MZT1: variants seen among roughly 807,000 people sequenced by gnomAD.
MZT1 encodes the protein mitotic-spindle organizing protein 1.
A neutral mutation model predicts 8.5 loss-of-function variants in MZT1; 8 were observed. The ratio of observed to expected loss-of-function variants is 0.94; its 90% confidence interval spans 0.55 to 1.70. MZT1 has a LOEUF of 1.70. MZT1 is among the 40% of genes most tolerant of loss of function. The pLI is 0.00. For synonymous variants in MZT1, 38 were observed against 42.0 expected (o/e 0.90, Z 0.37); for missense variants, 93 against 108.6 (o/e 0.86, Z 0.64).
intron 1 of MZT1, among the ~76,000 whole-genome samples, chr13:72,724,699 TAA>T (rs1443630191): frequency 2.7e-5 from 1 of 37,482 alleles, no homozygotes; most frequent in Non-Finnish European, 8.0e-5. Context: ...TACTTACTAC[TAA>T]ATATATATAT....
intron 2 of MZT1, among the ~76,000 whole-genome samples, chr13:72,714,902 G>A (rs555460172): frequency 6.6e-6 from 1 of 152,352 alleles, no homozygotes; most frequent in African/African-American, 2.4e-5. Context: ...TACTAGAGTA[G>A]TGCAGAGGGG....
chr13:72,724,063 G>C (rs999288171), intron 1 of MZT1, among the ~76,000 whole-genome samples: 3 of 152,220 alleles, frequency 2.0e-5, no homozygotes, highest in Admixed American at 1.3e-4. Flanking sequence ...CCCTACACTA[G>C]AGGGAACTTG....
At chr13:72,711,810 G>A (rs2032491674) in intron 2 of MZT1, among the ~76,000 whole-genome samples, 1 of 152,110 alleles carries the variant, frequency 6.6e-6, no homozygotes. Flanking sequence ...AAAGGCAGGT[G>A]TGGCTCAGTG....
chr13:72,724,653 C>T (rs1593799414), intron 1 of MZT1, among the ~76,000 whole-genome samples: 1 of 132,620 alleles, frequency 7.5e-6, no homozygotes, highest in South Asian at 2.6e-4. Context: ...ATTCTCCTGC[C>T]TCAGCCTCCC....
At chr13:72,723,791 A>G (rs977425437) in intron 1 of MZT1, among the ~76,000 whole-genome samples, 5 of 152,240 alleles carry the variant, frequency 3.3e-5, no homozygotes, top group Admixed American at 6.5e-5. Context: ...CTCCTCACAG[A>G]TATTAGTCCA....
At chr13:72,719,189 C>T in intron 1 of MZT1, 92 bp from the exon 2 acceptor site, 1 of 1,008,170 alleles carries the variant, frequency 9.9e-7, no homozygotes, top group Non-Finnish European at 1.3e-6. Flanking sequence ...TATCACTGCA[C>T]AATACCAAGG....
chr13:72,718,947 C>T lies in MZT1; in HGVS notation c.225+5G>A. The T allele has an allele frequency of 6.4e-7, 1 of 1,560,074 alleles. No individual in the cohort carries two copies. The highest frequency in any genetic ancestry group is 8.6e-7 in the Non-Finnish European group (1 of 1,163,298). Reference sequence around the variant, plus strand: ...ATTTAGAATGAACTAATAGGAATCTCCAACCTTCAGTGCTTCAGTAGCCTT... The same window carrying T: ...ATTTAGAATGAACTAATAGGAATCTTCAACCTTCAGTGCTTCAGTAGCCTT... On this transcript the variant is annotated splice_donor_5th_base_variant and intron_variant, in intron 2 of 2. Coordinates refer to ENST00000377818, the MANE Select transcript of MZT1 (RefSeq NM_001071775.3).
chr13:72,717,028 G>A (rs752837267), intron 2 of MZT1, among the ~76,000 whole-genome samples: 1 of 152,162 alleles, frequency 6.6e-6, no homozygotes, highest in Non-Finnish European at 1.5e-5. Flanking sequence ...GTGTTGAGAT[G>A]GTTGACTGGC....
chr13:72,727,380 G>T, intron 1 of MZT1, 144 bp downstream of exon 1: 1 of 811,156 alleles, frequency 1.2e-6, no homozygotes, highest in Non-Finnish European at 2.1e-6. Flanking sequence ...CAGCCCTGCG[G>T]CCCTGGCAGG....
At chr13:72,710,977 T>C (rs1343288887) in intron 2 of MZT1, among the ~76,000 whole-genome samples, 1 of 152,188 alleles carries the variant, frequency 6.6e-6, no homozygotes, top group Non-Finnish European at 1.5e-5. Flanking sequence ...GAAATATGTG[T>C]TAGTATTTTA....
rs2032462357 is a variant in MZT1 at position 72,709,157 on chromosome 13, A to G, written c.*1165T>C. The G allele has an allele frequency of 6.6e-6, 1 of 152,068 alleles. No individual in the cohort carries two copies. Among genetic ancestry groups the G allele is most frequent in the Non-Finnish European group, 1.5e-5 (1 of 67,932 alleles). The allele number at this position is 152,068 out of a possible 1,614,324, so 9.4% of individuals were successfully genotyped here. A position where few individuals can be genotyped will look rare whatever the true frequency, so the allele number is the denominator to read the frequency against. ...ACAAACAAAACAATTCTGAAAAGCCATACTTATAATCCTTGACATCAAGAT... is the reference window on the plus strand; with the variant it reads ...ACAAACAAAACAATTCTGAAAAGCCGTACTTATAATCCTTGACATCAAGAT... On this transcript the variant is annotated 3_prime_UTR_variant, in exon 3 of 3. Transcript: ENST00000377818.
intron 1 of MZT1, among the ~76,000 whole-genome samples, chr13:72,721,419 T>A (rs1344555369): frequency 6.6e-6 from 1 of 152,224 alleles, no homozygotes. Context: ...ACTCTAATCC[T>A]TCTAGATGGT....
intron 2 of MZT1, among the ~76,000 whole-genome samples, chr13:72,713,548 T>A (rs1417156403): frequency 6.6e-6 from 1 of 152,170 alleles, no homozygotes; most frequent in Non-Finnish European, 1.5e-5. Flanking sequence ...ATGTAAATAG[T>A]TGTTATCCTG....
chr13:72,711,847 C>T (rs1304777482), intron 2 of MZT1, among the ~76,000 whole-genome samples: 2 of 152,198 alleles, frequency 1.3e-5, no homozygotes, highest in Admixed American at 1.3e-4. Context: ...AGCTCCCCAA[C>T]TCTGTCCCAA....
chr13:72,726,196 G>A (rs534823422), intron 1 of MZT1, among the ~76,000 whole-genome samples: 10 of 152,280 alleles, frequency 6.6e-5, no homozygotes, highest in Non-Finnish European at 1.2e-4. Context: ...TTGGGAGGCC[G>A]AGGCATGTGG....
Position 72,727,435 on chromosome 13 carries a change from G to A in MZT1, c.79+89C>T, listed in dbSNP as rs1173282536. The stretch of plus-strand genomic sequence containing the variant: ...AAGATGCCGTTTGGGGCACTAAGGG[G>A]ACCTGAAGTCCTCCCCAGGCTCATT... On this transcript the variant is annotated intron_variant, in intron 1 of 2. Coordinates refer to ENST00000377818, the MANE Select transcript of MZT1 (RefSeq NM_001071775.3). The A allele has an allele frequency of 2.3e-6, 3 of 1,295,072 alleles. No homozygotes were observed. The African/African-American group carries it at 4.3e-5, about 19-fold the overall frequency. 80.2% of individuals were successfully genotyped at this position (1,295,072 alleles called of 1,614,324 possible).
chr13:72,711,171 A>T (rs9543092), intron 2 of MZT1, among the ~76,000 whole-genome samples: 2 of 152,102 alleles, frequency 1.3e-5, no homozygotes. Context: ...AAGATACAGG[A>T]AAGTAGGTTT....
chr13:72,716,623 G>A (rs1009265345), intron 2 of MZT1, among the ~76,000 whole-genome samples: 13 of 152,068 alleles, frequency 8.5e-5, no homozygotes, highest in Non-Finnish European at 1.3e-4. Context: ...CCCATTGACC[G>A]TCTCTATGAG....
rs1040364962 is a variant in MZT1 at position 72,710,060 on chromosome 13, A to T, written c.*262T>A. 1 of 452,036 alleles carries T rather than the reference A, an allele frequency of 2.2e-6. No individual in the cohort carries two copies. Among genetic ancestry groups the T allele is most frequent in the Non-Finnish European group, 3.9e-6 (1 of 253,458 alleles). The allele number at this position is 452,036 out of a possible 1,614,324, so 28.0% of individuals were successfully genotyped here. ...AAGCTATCAGAGCTATAAATAAGGA[A>T]TACATAAATATGAACATAGCAATGC... On this transcript the variant is annotated 3_prime_UTR_variant, in exon 3 of 3. Transcript: ENST00000377818.
Sources: gnomAD v4.1 joint callset for allele counts (sites outside exome capture counted in the v4.1 genomes callset) on GRCh38, gnomAD v4.1.1 for gene constraint, MANE v1.5 for transcripts, NCBI Gene and HGNC (gene_info 2026-07-23, HGNC 2026-07-21) for gene names.